The following GPR83 variants were observed in gnomAD, a reference collection of about 807,000 sequenced individuals.
GPR83 encodes the protein G protein-coupled receptor 83.
A neutral mutation model predicts 28.0 loss-of-function variants in GPR83; 23 were observed. The ratio of observed to expected loss-of-function variants is 0.82; its 90% CI spans 0.59 to 1.16. The LOEUF (loss-of-function observed/expected upper bound fraction) is 1.16, where lower values mean the gene tolerates loss of function less well. Among genes scored for constraint, GPR83 ranks in the 50% most tolerant of loss-of-function variants. The pLI, the probability that GPR83 is intolerant of heterozygous loss-of-function variation, is 0.00. For synonymous variants in GPR83, 234 were observed against 215.4 expected (o/e 1.09, Z -0.76); for missense variants, 610 against 536.6 (o/e 1.14, Z -1.35).
intron 3 of GPR83, among the ~76,000 whole-genome samples, chr11:94,392,897 TG>T (rs1769038733): frequency 6.8e-6 from 1 of 148,088 alleles, no homozygotes; most frequent in Admixed American, 6.7e-5. Context: ...TATGTGGAGG[TG>T]GTAAGCTAAG....
intron 3 of GPR83, among the ~76,000 whole-genome samples, chr11:94,386,192 A>C (rs1240815857): frequency 6.6e-6 from 1 of 152,216 alleles, no homozygotes; most frequent in Non-Finnish European, 1.5e-5. Context: ...AGAGCTCCTG[A>C]AGGAAGCACT....
intron 3 of GPR83, among the ~76,000 whole-genome samples, chr11:94,383,862 G>C (rs761542291): frequency 1.3e-5 from 2 of 152,106 alleles, no homozygotes; most frequent in East Asian, 1.9e-4. Flanking sequence ...ACCAAAAAAA[G>C]TCCAGGACCA....
intron 3 of GPR83, among the ~76,000 whole-genome samples, chr11:94,382,283 C>T (rs570423978): frequency 2.3e-5 from 3 of 128,112 alleles, no homozygotes; most frequent in East Asian, 2.5e-4. Context: ...GCAGAGGTTG[C>T]GGTGAGCTGA....
chr11:94,391,102 C>T (rs952030605), intron 3 of GPR83, among the ~76,000 whole-genome samples: 4 of 152,192 alleles, frequency 2.6e-5, no homozygotes, highest in African/African-American at 7.2e-5. Context: ...ACCAAAACAG[C>T]ATGTTGCTGG....
chr11:94,395,279 C>T (rs1460960068), intron 2 of GPR83, among the ~76,000 whole-genome samples: 1 of 152,190 alleles, frequency 6.6e-6, no homozygotes, highest in Non-Finnish European at 1.5e-5. Context: ...GAGAATTCTT[C>T]CCACATTGGA....
chr11:94,388,078 C>T (rs182879477), intron 3 of GPR83, among the ~76,000 whole-genome samples: 15 of 152,028 alleles, frequency 9.9e-5, no homozygotes, highest in African/African-American at 3.1e-4. Context: ...AAAAACCACA[C>T]GATTATCTCA....
intron 3 of GPR83, among the ~76,000 whole-genome samples, chr11:94,385,629 G>A (rs1001022015): frequency 7.9e-5 from 12 of 152,128 alleles, no homozygotes; most frequent in South Asian, 2.1e-4. Flanking sequence ...GAAATGAAGC[G>A]AGAAGAGAAG....
At chr11:94,384,872 T>C (rs1944733226) in intron 3 of GPR83, among the ~76,000 whole-genome samples, 1 of 152,192 alleles carries the variant, frequency 6.6e-6, no homozygotes, top group African/African-American at 2.4e-5. Context: ...AGCATGCAGC[T>C]TGAGATCTGA....
chr11:94,393,431 C>CT, intron 3 of GPR83, 54 bp downstream of exon 3: 1 of 1,582,748 alleles, frequency 6.3e-7, no homozygotes, highest in Non-Finnish European at 8.7e-7. Flanking sequence ...TTGGTGGAGC[C>CT]TGACTCAGGA....
At chr11:94,399,319 C>A (rs1057350351) in intron 1 of GPR83, among the ~76,000 whole-genome samples, 1 of 152,186 alleles carries the variant, frequency 6.6e-6, no homozygotes, top group Non-Finnish European at 1.5e-5. Context: ...ATACGTTAGA[C>A]GTAGGCTGAA....
At position 94,393,636 on chromosome 11, in the gene GPR83, C is replaced by A; in HGVS notation, c.514-18G>T. The A allele has an allele frequency of 6.2e-7, 1 of 1,613,262 alleles. No homozygotes were observed. The highest frequency in any genetic ancestry group is 1.7e-5 in the Admixed American group (1 of 59,950). On this transcript the variant is annotated intron_variant, in intron 2 of 3. Coordinates refer to ENST00000243673, the MANE Select transcript of GPR83 (RefSeq NM_016540.4). ...ATGATGACCTGGAAAACAAGCAAAC[C>A]ACATCACTAACTGAAGACGTTTTGG...
chr11:94,381,578 T>C (rs61905730), intron 3 of GPR83, among the ~76,000 whole-genome samples: 2 of 100,674 alleles, frequency 2.0e-5, no homozygotes, highest in Admixed American at 1.0e-4. Flanking sequence ...TGTGTGTGTG[T>C]GCGCGCGTGC....
chr11:94,389,388 A>G (rs2134690088), intron 3 of GPR83, among the ~76,000 whole-genome samples: 1 of 152,370 alleles, frequency 6.6e-6, no homozygotes, highest in Admixed American at 6.5e-5. Context: ...TGAACAGGCA[A>G]CTTACAGAAT....
rs79422816 is a variant in GPR83, at chr11:94,383,974, C to G, written c.648-3201G>C. 3.5e-3 allele frequency among the ~76,000 whole-genome samples: 536 copies of G among 152,316 alleles called. 5 individuals are homozygous for G. The highest frequency in any genetic ancestry group is 0.012 in the African/African-American group (513 of 41,558). On this transcript the variant is annotated intron_variant, in intron 3 of 3. Transcript: ENST00000243673. ...TAGAAAAAGAAGGAATCCTCCTTAA[C>G]TCATTTTATTAGGCCAGCATCACGC...
intron 3 of GPR83, among the ~76,000 whole-genome samples, chr11:94,391,737 C>A (rs574737170): frequency 6.6e-6 from 1 of 152,108 alleles, no homozygotes; most frequent in Non-Finnish European, 1.5e-5. Context: ...TGTCATCACT[C>A]GTCATCAGAG....
rs1944906303 is a variant in GPR83 at position 94,401,026 on chromosome 11, G to T, written c.222C>A (p.Leu74=). 7 of 1,614,186 alleles carry T rather than the reference G, an allele frequency of 4.3e-6. No homozygotes were observed. Among genetic ancestry groups the T allele is most frequent in the Non-Finnish European group, 5.9e-6 (7 of 1,179,986 alleles). The change falls in exon 1 of 4, where the codon CTC becomes CTA. Residue 74 remains leucine (L), a synonymous_variant. Transcript: ENST00000243673. ...CAATGATGAAGGAGTAAGCCACAATGAGCAGGGCTTTCACCGTGGGGTTCT... is the reference window on the plus strand; with the variant it reads ...CAATGATGAAGGAGTAAGCCACAATTAGCAGGGCTTTCACCGTGGGGTTCT... The part of the protein sequence containing the change: ...ESQNPTVKAL[L]IVAYSFIIVF...
At chr11:94,384,851 G>C (rs1270813539) in intron 3 of GPR83, among the ~76,000 whole-genome samples, 1 of 152,180 alleles carries the variant, frequency 6.6e-6, no homozygotes, top group African/African-American at 2.4e-5. Context: ...GAAGACAGTA[G>C]TGGTTCTCCC....
In GPR83 at chr11:94,401,217, G is replaced by A. The variant is rs1448447286; in HGVS notation, c.31C>T (p.Leu11Phe). MVPHLLLLCL[L>F]PLVRATEPHE... ...GGCTCGGTGGCTCGCACCAAGGGGA[G>A]GAGACAGAGCAGCAAGAGGTGAGGG... The change falls in exon 1 of 4, where the codon CTC (leucine) becomes TTC (phenylalanine). Residue 11 changes from leucine to phenylalanine, a missense_variant. By Grantham distance (22) the Leu-to-Phe change is conservative. Coordinates refer to ENST00000243673, the MANE Select transcript of GPR83 (RefSeq NM_016540.4). 10 of 1,611,780 alleles carry A rather than the reference G, an allele frequency of 6.2e-6. No homozygotes were observed. The highest frequency in any genetic ancestry group is 1.1e-5 in the South Asian group (1 of 90,988).
At chr11:94,400,330 T>G (rs1944899050) in intron 1 of GPR83, among the ~76,000 whole-genome samples, 1 of 151,646 alleles carries the variant, frequency 6.6e-6, no homozygotes, top group African/African-American at 2.4e-5. Flanking sequence ...ATTGACCCAA[T>G]GCCACCGCCG....
Sources: allele counts gnomAD v4.1 joint callset (sites outside exome capture counted in the v4.1 genomes callset), GRCh38; gene constraint gnomAD v4.1.1; transcripts MANE v1.5; gene names NCBI Gene and HGNC (gene_info 2026-07-23, HGNC 2026-07-21).